The following ARHGEF4 variants were observed in gnomAD, a reference collection of about 807,000 sequenced individuals.
ARHGEF4 encodes APC-stimulated guanine nucleotide exchange factor 1.
ARHGEF4 carries 119 observed loss-of-function variants against 162.0 expected under a neutral mutation model. The observed-to-expected ratio is 0.73, with a 90% confidence interval of 0.63 to 0.86. The LOEUF (loss-of-function observed/expected upper bound fraction) is 0.86, where lower values mean the gene tolerates loss of function less well. ARHGEF4 is among the 40% of genes least tolerant of loss of function. The probability of loss-of-function intolerance (pLI) is 0.00; values close to 1 mark genes in which losing one functional copy is unlikely to be tolerated. For synonymous variants in ARHGEF4, 1,014 were observed against 979.9 expected (o/e 1.03, Z -0.65); for missense variants, 2,488 against 2,456.0 (o/e 1.01, Z -0.28).
Position 130,915,804 on chromosome 2 carries a change from G to A in ARHGEF4, c.1858G>A (p.Ala620Thr). ...CGGGGGCCGGCAGCTGGAGCCCAAAGCAGGCGGCGAGGCCTCGAGGGGCAG... is the reference window on the plus strand; with the variant it reads ...CGGGGGCCGGCAGCTGGAGCCCAAAACAGGCGGCGAGGCCTCGAGGGGCAG... The part of the protein sequence containing the change: ...GAGGRQLEPK[A>T]GGEASRGRGA... The change falls in exon 2 of 14, where the codon GCA (alanine) becomes ACA (threonine). Residue 620 changes from alanine (A) to threonine (T), a missense_variant. By Grantham distance (58) the Ala-to-Thr change is moderately conservative. Transcript: ENST00000409359. The A allele has an allele frequency of 1.3e-5, 20 of 1,524,652 alleles. No homozygotes were observed. Among genetic ancestry groups the A allele is most frequent in the Non-Finnish European group, 1.8e-5 (20 of 1,134,638 alleles). The allele number at this position is 1,524,652 out of a possible 1,614,324, so 94.4% of individuals were successfully genotyped here. A position where few individuals can be genotyped will look rare whatever the true frequency, so the allele number is the denominator to read the frequency against.
intron 1 of ARHGEF4, among the ~76,000 whole-genome samples, chr2:130,838,256 A>G (rs897423388): frequency 1.3e-5 from 2 of 152,148 alleles, no homozygotes; most frequent in African/African-American, 4.8e-5. Flanking sequence ...AATGTGGGTG[A>G]TGTTTCCATG....
intron 4 of ARHGEF4, chr2:131,011,579 G>A: frequency 6.7e-7 from 1 of 1,499,004 alleles, no homozygotes; most frequent in South Asian, 1.3e-5. Flanking sequence ...ACTTTGGACA[G>A]CATTTCATGC....
chr2:131,003,001 C>A (rs1687881544), intron 4 of ARHGEF4, among the ~76,000 whole-genome samples: 1 of 152,014 alleles, frequency 6.6e-6, no homozygotes, highest in Non-Finnish European at 1.5e-5. Flanking sequence ...ATTTTTGCAC[C>A]CCAACTTTGT....
intron 1 of ARHGEF4, among the ~76,000 whole-genome samples, chr2:130,887,729 C>G (rs531570278): frequency 1.3e-5 from 2 of 152,244 alleles, no homozygotes; most frequent in African/African-American, 4.8e-5. Flanking sequence ...TCAGCAGTAG[C>G]TTTCCTCCAA....
rs369145809 is a variant in ARHGEF4, at chr2:131,027,950, C to A, written c.3991C>A (p.Pro1331Thr). Residue 1331 changes from proline (P) to threonine (T), a missense_variant, in exon 5 of 14, where the codon CCT becomes ACT. Pro to Thr is a conservative substitution (Grantham distance 38). Transcript: ENST00000409359. ...GCTGCTGTCTCTCCTTCCAGCCATG[C>A]CTGATGGAGCTCTGGACACAGCTGT... ...WPEHTPGTAM[P>T]DGALDTAVCA... 68 of 1,613,716 alleles carry A rather than the reference C, an allele frequency of 4.2e-5. 1 individual carries two copies. Among genetic ancestry groups the A allele is most frequent in the Non-Finnish European group, 5.3e-5 (63 of 1,179,994 alleles).
intron 1 of ARHGEF4, among the ~76,000 whole-genome samples, chr2:130,897,116 T>C (rs1574182657): frequency 6.6e-6 from 1 of 152,288 alleles, no homozygotes; most frequent in East Asian, 1.9e-4. Context: ...AGCAGAATAG[T>C]AACATTCCCC....
chr2:130,907,213 T>A (rs1207641644), intron 1 of ARHGEF4, among the ~76,000 whole-genome samples: 3 of 55,438 alleles, frequency 5.4e-5, no homozygotes, highest in Non-Finnish European at 1.2e-4. Context: ...TGTCCCTTTT[T>A]TTTTTTTTTT....
At chr2:130,942,441 G>A (rs1159597205) in intron 3 of ARHGEF4, among the ~76,000 whole-genome samples, 1 of 151,968 alleles carries the variant, frequency 6.6e-6, no homozygotes, top group Non-Finnish European at 1.5e-5. Flanking sequence ...GAGCCACCAC[G>A]CCTGGCTGGT....
At chr2:130,841,381 T>TC (rs1680600564) in intron 1 of ARHGEF4, among the ~76,000 whole-genome samples, 1 of 151,856 alleles carries the variant, frequency 6.6e-6, no homozygotes, top group African/African-American at 2.4e-5. Flanking sequence ...CTTTTTTTTT[T>TC]TTTTTTTTAC....
Position 130,916,990 on chromosome 2 carries a change from C to T in ARHGEF4, c.3044C>T (p.Ser1015Phe), listed in dbSNP as rs1213851387. Residue 1015 changes from serine to phenylalanine, a missense_variant, in exon 2 of 14, where the codon TCC (serine) becomes TTC (phenylalanine). By Grantham distance (155) the Ser-to-Phe change is radical. Transcript: ENST00000409359. ...CCACTTGCCTCCACACCTTTGTCCT[C>T]CAGTTTAGTTTCTCCAGAACACAGG... ...APPLASTPLS[S>F]SLVSPEHRRK... The T allele has an allele frequency of 1.9e-6, 3 of 1,550,852 alleles. No individual in the cohort carries two copies. The highest frequency in any genetic ancestry group is 2.0e-5 in the Admixed American group (1 of 50,990).
At chr2:130,958,378 T>C (rs1191594415) in intron 4 of ARHGEF4, among the ~76,000 whole-genome samples, 1 of 151,296 alleles carries the variant, frequency 6.6e-6, no homozygotes, top group Non-Finnish European at 1.5e-5. Context: ...TGGATGTTTC[T>C]TTTTTTTTGA....
intron 5 of ARHGEF4, chr2:131,034,822 G>C (rs546635222): frequency 7.8e-4 from 160 of 205,488 alleles, no homozygotes; most frequent in Non-Finnish European, 1.2e-3. Context: ...AGGTGCCAAG[G>C]GCGCAGCGCA....
At chr2:130,889,256 T>A (rs940411842) in intron 1 of ARHGEF4, among the ~76,000 whole-genome samples, 1 of 152,138 alleles carries the variant, frequency 6.6e-6, no homozygotes, top group African/African-American at 2.4e-5. Flanking sequence ...CTCAGAACAT[T>A]TTAACCTCAG....
chr2:131,026,318 A>G (rs540867470), intron 4 of ARHGEF4, among the ~76,000 whole-genome samples: 2 of 152,382 alleles, frequency 1.3e-5, no homozygotes, highest in African/African-American at 4.8e-5. Context: ...CTGAGGTTGG[A>G]AAGAATTTCC....
intron 1 of ARHGEF4, among the ~76,000 whole-genome samples, chr2:130,891,076 T>G (rs563134099): frequency 1.3e-5 from 2 of 152,220 alleles, no homozygotes; most frequent in South Asian, 4.2e-4. Flanking sequence ...CAGCACACAA[T>G]GTAGACAAGA....
At chr2:130,887,324 C>A (rs1358215910) in intron 1 of ARHGEF4, among the ~76,000 whole-genome samples, 1 of 151,090 alleles carries the variant, frequency 6.6e-6, no homozygotes, top group South Asian at 2.1e-4. Flanking sequence ...GAACAAGACC[C>A]TGTCTCCAAA....
intron 1 of ARHGEF4, among the ~76,000 whole-genome samples, chr2:130,856,174 G>T (rs1227331235): frequency 6.6e-6 from 1 of 152,154 alleles, no homozygotes; most frequent in Non-Finnish European, 1.5e-5. Flanking sequence ...ACATAATATT[G>T]TTAAAGATAT....
chr2:130,927,394 G>A (rs1484686905), intron 2 of ARHGEF4, among the ~76,000 whole-genome samples: 1 of 152,186 alleles, frequency 6.6e-6, no homozygotes. Context: ...GGGGAAGAAA[G>A]TTCAAGCTTT....
chr2:130,848,252 A>G (rs566152024), intron 1 of ARHGEF4, among the ~76,000 whole-genome samples: 1 of 152,288 alleles, frequency 6.6e-6, no homozygotes, highest in Admixed American at 6.5e-5. Context: ...GTGGGGCAGC[A>G]GGGCCTCAGG....
Sources: allele counts gnomAD v4.1 joint callset (sites outside exome capture counted in the v4.1 genomes callset), GRCh38; gene constraint gnomAD v4.1.1; transcripts MANE v1.5; gene names NCBI Gene and HGNC (gene_info 2026-07-23, HGNC 2026-07-21).